The following CFAP68 variants were observed in gnomAD, a reference collection of about 807,000 sequenced individuals.
The protein encoded by CFAP68 is cilia- and flagella-associated protein 68.
the CFAP68 span, chr11:111,885,700 C>A: frequency 6.6e-6 from 1 of 152,150 alleles, no homozygotes; most frequent in Non-Finnish European, 1.5e-5. Flanking sequence ...TGTAAGAAGA[C>A]ACTATAATAT....
At chr11:111,881,139 A>G in the CFAP68 span, 1 of 1,107,878 alleles carries the variant, frequency 9.0e-7, no homozygotes, top group Non-Finnish European at 1.1e-6. Flanking sequence ...ATTAAAGACA[A>G]GTCAGAGTCA....
chr11:111,883,050 C>T, the CFAP68 span: 26 of 979,588 alleles, frequency 2.7e-5, no homozygotes, highest in African/African-American at 2.3e-4. Flanking sequence ...TATGACAGTC[C>T]GTGAGAATTC....
At chr11:111,883,149 T>TTGAAACAACATATGATACAAGC in the CFAP68 span, 4 of 1,579,462 alleles carry the variant, frequency 2.5e-6, no homozygotes, top group East Asian at 9.0e-5. Flanking sequence ...GGACACTACT[T>TTGAAACAACATATGATACAAGC]TGAAACAACA....
the CFAP68 span, among the ~76,000 whole-genome samples, chr11:111,879,838 G>A: frequency 1.3e-5 from 2 of 152,140 alleles, no homozygotes; most frequent in African/African-American, 4.8e-5. Flanking sequence ...GGGCGAAGAG[G>A]GTCAGAGAGT....
the CFAP68 span, chr11:111,881,632 T>A: frequency 1.5e-5 from 23 of 1,520,116 alleles, no homozygotes; most frequent in African/African-American, 2.8e-5. Context: ...TCTTCCTAAG[T>A]CAGGGGGCCA....
the CFAP68 span, chr11:111,881,228 C>T: frequency 5.9e-6 from 8 of 1,362,102 alleles, no homozygotes; most frequent in Non-Finnish European, 6.6e-6. Context: ...GACAGTTACA[C>T]CTAGATCTCC....
the CFAP68 span, chr11:111,881,584 A>G: frequency 1.3e-6 from 2 of 1,535,748 alleles, no homozygotes; most frequent in South Asian, 1.2e-5. Flanking sequence ...AGCTCAACCT[A>G]CTCAGCATCA....
At chr11:111,879,547 T>C in the CFAP68 span, 160 of 1,614,076 alleles carry the variant, frequency 9.9e-5, no homozygotes, top group Non-Finnish European at 1.0e-5. Context: ...GAACCTTTTT[T>C]CACCTCGTCT....
the CFAP68 span, chr11:111,885,187 C>T: frequency 6.6e-6 from 1 of 150,404 alleles, no homozygotes; most frequent in African/African-American, 2.4e-5. Flanking sequence ...AAAAAAAAAT[C>T]TTGGTATACT....
the CFAP68 span, among the ~76,000 whole-genome samples, chr11:111,881,862 G>T: frequency 1.1e-4 from 16 of 152,136 alleles, no homozygotes; most frequent in Admixed American, 9.2e-4. Flanking sequence ...ATGGTAAAAA[G>T]TTATAAATAC....
the CFAP68 span, chr11:111,882,448 A>T: frequency 1.2e-6 from 2 of 1,614,236 alleles, no homozygotes; most frequent in Non-Finnish European, 1.7e-6. Flanking sequence ...AAGTGTGGAC[A>T]GATTGGAATA....
the CFAP68 span, among the ~76,000 whole-genome samples, chr11:111,882,150 G>T: frequency 6.6e-6 from 1 of 152,182 alleles, no homozygotes; most frequent in African/African-American, 2.4e-5. Context: ...GAGCGGGGGT[G>T]TGGATTTAAT....
the CFAP68 span, chr11:111,883,048 TC>T: frequency 6.3e-6 from 6 of 957,130 alleles, no homozygotes; most frequent in Admixed American, 4.1e-5. Flanking sequence ...AATATGACAG[TC>T]CGTGAGAATT....
At chr11:111,881,953 G>A in the CFAP68 span, among the ~76,000 whole-genome samples, 1 of 151,844 alleles carries the variant, frequency 6.6e-6, no homozygotes, top group African/African-American at 2.4e-5. Context: ...GGAAGGAAAT[G>A]ATCATTTATT....
chr11:111,881,880 G>C, the CFAP68 span, among the ~76,000 whole-genome samples: 3 of 152,162 alleles, frequency 2.0e-5, no homozygotes, highest in African/African-American at 7.2e-5. Flanking sequence ...TACAGGGAAA[G>C]ATAAAGTTTT....
chr11:111,883,751 C>CTT, the CFAP68 span: 1 of 1,513,270 alleles, frequency 6.6e-7, no homozygotes, highest in Admixed American at 1.7e-5. Flanking sequence ...TCTTTCCTTC[C>CTT]TTTTTTTTTC....
the CFAP68 span, chr11:111,883,194 C>T: frequency 6.4e-7 from 1 of 1,573,614 alleles, no homozygotes; most frequent in Non-Finnish European, 8.7e-7. Flanking sequence ...ATGCCACTTT[C>T]AACACATAGT....
At chr11:111,882,321 C>A in the CFAP68 span, 1 of 1,516,458 alleles carries the variant, frequency 6.6e-7, no homozygotes, top group Non-Finnish European at 9.1e-7. Flanking sequence ...TGCTTTTTCT[C>A]TTCTCTGGTT....
At chr11:111,879,673 CTG>C in the CFAP68 span, 1 of 1,526,552 alleles carries the variant, frequency 6.6e-7, no homozygotes, top group Admixed American at 1.7e-5. Flanking sequence ...TGCCAGGCCA[CTG>C]TGAGGGTGGT....
Sources: gnomAD v4.1 joint callset for allele counts (sites outside exome capture counted in the v4.1 genomes callset) on GRCh38, gnomAD v4.1.1 for gene constraint, MANE v1.5 for transcripts, NCBI Gene and HGNC (gene_info 2026-07-23, HGNC 2026-07-21) for gene names.